Variants in KIF23 observed in about 807,000 individuals in gnomAD.
KIF23 encodes kinesin-like protein KIF23.
Under a neutral mutation model 137.5 loss-of-function variants are expected in KIF23, and 30 were observed. The observed-to-expected ratio is 0.22, with a 90% CI of 0.16 to 0.30. The LOEUF is 0.30. KIF23 is among the 10% of genes least tolerant of loss of function. The pLI is 1.00. For synonymous variants in KIF23, 367 were observed against 391.1 expected (o/e 0.94, Z 0.73); for missense variants, 920 against 1,194.3 (o/e 0.77, Z 3.38).
At chr15:69,440,701 G>T in intron 18 of KIF23, 67 bp from the exon 19 acceptor site, 1 of 1,352,912 alleles carries the variant, frequency 7.4e-7, no homozygotes, top group Non-Finnish European at 1.0e-6. Context: ...TAACATTATA[G>T]AAAAGTAATG....
Position 69,447,866 on chromosome 15 carries a change from C to T in KIF23, c.*59C>T. The T allele has an allele frequency of 6.4e-7, 1 of 1,568,260 alleles. No homozygotes were observed. Among genetic ancestry groups the T allele is most frequent in the Admixed American group, 1.7e-5 (1 of 59,478 alleles). ...TTTGTGTGGATGATTTCTCGAAAGC[C>T]ATGCCAGAAGCAGTCTTCCAGGTCA... On this transcript the variant is annotated 3_prime_UTR_variant, in exon 24 of 24. Coordinates refer to ENST00000679126, the MANE Select transcript of KIF23 (RefSeq NM_001367805.3).
At chr15:69,419,291 C>G (rs2056993775) in intron 3 of KIF23, among the ~76,000 whole-genome samples, 1 of 1,042 alleles carries the variant, frequency 9.6e-4, no homozygotes, top group Admixed American at 0.028. Context: ...TCCATTTCTA[C>G]AGAGCAGACA....
intron 16 of KIF23, 62 bp from the exon 17 acceptor site, chr15:69,439,842 A>G (rs1284399782): frequency 7.7e-7 from 1 of 1,297,230 alleles, no homozygotes; most frequent in Non-Finnish European, 1.1e-6. Context: ...AAGGAAGACT[A>G]TTTTATAGCG....
chr15:69,427,106 A>G (rs1229000563), intron 10 of KIF23, among the ~76,000 whole-genome samples: 2 of 152,112 alleles, frequency 1.3e-5, no homozygotes, highest in Non-Finnish European at 2.9e-5. Flanking sequence ...ACAAAACAAG[A>G]CTCTTGTCTT....
chr15:69,421,818 G>T, intron 4 of KIF23, 66 bp downstream of exon 4: 1 of 1,332,932 alleles, frequency 7.5e-7, no homozygotes, highest in Non-Finnish European at 1.1e-6. Flanking sequence ...AAACTTTTTT[G>T]ATATTTATAT....
chr15:69,438,140 A>C, intron 15 of KIF23, 108 bp from the exon 16 acceptor site: 1 of 950,804 alleles, frequency 1.1e-6, no homozygotes, highest in Non-Finnish European at 1.5e-6. Flanking sequence ...TGATTCTCAC[A>C]GAGATTTGCT....
chr15:69,419,926 A>G (rs1387112567), intron 3 of KIF23, among the ~76,000 whole-genome samples: 1 of 152,186 alleles, frequency 6.6e-6, no homozygotes, highest in Non-Finnish European at 1.5e-5. Context: ...GATGGGGATT[A>G]AAAATAGTCA....
intron 10 of KIF23, chr15:69,426,673 T>A: frequency 3.8e-6 from 2 of 530,994 alleles, no homozygotes; most frequent in Non-Finnish European, 6.7e-6. Context: ...TGAACTGAGA[T>A]CGCGCCACTG....
At chr15:69,445,151 AG>A (rs1254891815) in intron 20 of KIF23, 110 bp downstream of exon 20, 1 of 1,056,368 alleles carries the variant, frequency 9.5e-7, no homozygotes, top group Admixed American at 2.7e-5. Flanking sequence ...CTGGAACATC[AG>A]TAGGTATTTG....
chr15:69,425,154 GA>G (rs2057157958), intron 7 of KIF23, 127 bp from the exon 8 acceptor site: 4 of 680,658 alleles, frequency 5.9e-6, no homozygotes, highest in Non-Finnish European at 9.6e-6. Context: ...TTAATACAAT[GA>G]AAAACTATTA....
Position 69,429,613 on chromosome 15 carries a change from G to A in KIF23, c.1114+400G>A, listed in dbSNP as rs77432484. On this transcript the variant is annotated intron_variant, in intron 11 of 23. Coordinates refer to ENST00000679126, the MANE Select transcript of KIF23 (RefSeq NM_001367805.3). Reference sequence around the variant, plus strand: ...TGAGCCACTGTAACCGGCCTCGATGGGTGGTTTAAGCACAATTGTCCTCCA... The same window carrying A: ...TGAGCCACTGTAACCGGCCTCGATGAGTGGTTTAAGCACAATTGTCCTCCA... Among the ~76,000 whole-genome samples, 1,092 of 152,232 alleles carry A rather than the reference G, an allele frequency of 7.2e-3. 19 individuals carry two copies. Among genetic ancestry groups the A allele is most frequent in the African/African-American group, 0.024 (1,013 of 41,544 alleles).
At chr15:69,440,548 A>T (rs2057590768) in intron 18 of KIF23, 61 bp downstream of exon 18, 2 of 1,422,850 alleles carry the variant, frequency 1.4e-6, no homozygotes, top group Non-Finnish European at 1.9e-6. Context: ...AGATTAGATG[A>T]CTATTTCTAT....
intron 11 of KIF23, among the ~76,000 whole-genome samples, chr15:69,433,028 T>C (rs377650747): frequency 3.9e-5 from 6 of 152,326 alleles, no homozygotes; most frequent in African/African-American, 9.6e-5. Context: ...CCGGACAATA[T>C]AGACCTCAGG....
In KIF23 at chr15:69,429,193, G is replaced by A; in HGVS notation, c.1094G>A (p.Gly365Glu). Residue 365 changes from glycine to glutamate, a missense_variant, in exon 11 of 24, where the codon GGG (glycine) becomes GAG (glutamate). Gly to Glu is a moderately conservative substitution (Grantham distance 98, BLOSUM62 -2). Transcript: ENST00000679126. Reference sequence around the variant, plus strand: ...AGAACTAACCGGACCAGAGCAGAAGGGAACAGATTACGTGAAGCTGGTGAG... The same window carrying A: ...AGAACTAACCGGACCAGAGCAGAAGAGAACAGATTACGTGAAGCTGGTGAG... The part of the protein sequence containing the change: ...SERTNRTRAE[G>E]NRLREAGNIN... 6.2e-7 allele frequency: 1 copy of A among 1,611,962 alleles called. No individual in the cohort carries two copies. The highest frequency in any genetic ancestry group is 8.5e-7 in the Non-Finnish European group (1 of 1,178,564).
At chr15:69,426,306 G>T (rs763993915) in intron 9 of KIF23, 30 bp from the exon 10 acceptor site, 43 of 1,612,664 alleles carry the variant, frequency 2.7e-5, no homozygotes, top group Non-Finnish European at 3.6e-5. Context: ...CTGAGTTCAG[G>T]TTTGACCAAT....
intron 3 of KIF23, among the ~76,000 whole-genome samples, chr15:69,418,611 C>T (rs570583106): frequency 1.4e-4 from 22 of 152,256 alleles, no homozygotes; most frequent in African/African-American, 4.6e-4. Context: ...TCATTTCCAT[C>T]TCCACTGCCA....
chr15:69,447,902 C>A lies in KIF23; in HGVS notation c.*95C>A. ...CAGTCTTCCAGGTCATCTTGTAGAA[C>A]TCCAGCTTTGTTGAAAATCACGGAC... On this transcript the variant is annotated 3_prime_UTR_variant, in exon 24 of 24. Coordinates refer to ENST00000679126, the MANE Select transcript of KIF23 (RefSeq NM_001367805.3). 1 of 1,325,234 alleles carries A rather than the reference C, an allele frequency of 7.5e-7. No homozygotes were observed. The highest frequency in any genetic ancestry group is 1.1e-6 in the Non-Finnish European group (1 of 927,740). The allele number at this position is 1,325,234 out of a possible 1,614,324, so 82.1% of individuals were successfully genotyped here.
chr15:69,435,015 G>A (rs1159645877), intron 11 of KIF23: 10 of 593,048 alleles, frequency 1.7e-5, no homozygotes, highest in African/African-American at 9.2e-5. Flanking sequence ...GCTCAACACC[G>A]CGTTGGCATC....
At position 69,448,306 on chromosome 15, in the gene KIF23, A is replaced by G. The variant is rs574869613; in HGVS notation, c.*499A>G. The G allele has an allele frequency of 6.5e-6, 1 of 152,814 alleles. No homozygotes were observed. The highest frequency in any genetic ancestry group is 2.4e-5 in the African/African-American group (1 of 41,590). The allele number at this position is 152,814 out of a possible 1,614,324, so 9.5% of individuals were successfully genotyped here. A position where few individuals can be genotyped will look rare whatever the true frequency, so the allele number is the denominator to read the frequency against. On this transcript the variant is annotated 3_prime_UTR_variant, in exon 24 of 24. Transcript: ENST00000679126. ...GACAATTCAGACTTTCAAAATAAAG[A>G]TGTAAATGACTGGCCAATAATAACC...
Sources: gnomAD v4.1 joint callset for allele counts (sites outside exome capture counted in the v4.1 genomes callset) on GRCh38, gnomAD v4.1.1 for gene constraint, MANE v1.5 for transcripts, NCBI Gene and HGNC (gene_info 2026-07-23, HGNC 2026-07-21) for gene names.